NKAIN2: variants seen among roughly 807,000 people sequenced by gnomAD.
NKAIN2 encodes the protein sodium/potassium transporting ATPase interacting 2, also known as sodium/potassium-transporting ATPase subunit beta-1-interacting protein 2.
Under a neutral mutation model 32.6 loss-of-function variants are expected in NKAIN2, and 14 were observed. That is an observed-to-expected ratio of 0.43 (90% CI 0.28 to 0.67). The LOEUF (loss-of-function observed/expected upper bound fraction) is 0.67. NKAIN2 is among the 30% of genes least tolerant of loss of function. The probability of loss-of-function intolerance (pLI) is 0.17; values close to 1 mark genes in which losing one functional copy is unlikely to be tolerated. For missense variants in NKAIN2, 198 were observed against 258.3 expected (o/e 0.77, Z 1.60); for synonymous variants, 80 against 87.2 (o/e 0.92, Z 0.46).
chr6:124,044,307 C>T lies in NKAIN2; in HGVS notation c.55-238698C>T, dbSNP rs114231478. ...CAAAGTTCTAAGCCTTCTGCAAAGA[C>T]GGGAGTAAAATCCTCCATATATAAA... is the stretch of plus-strand genomic sequence containing the variant. On this transcript the variant is annotated intron_variant, in intron 1 of 6. Transcript: ENST00000368417. Among the ~76,000 whole-genome samples, 216 of 152,038 alleles carry T rather than the reference C, an allele frequency of 1.4e-3. 3 individuals are homozygous for T. The highest frequency in any genetic ancestry group is 4.8e-3 in the African/African-American group (198 of 41,498).
intron 1 of NKAIN2, among the ~76,000 whole-genome samples, chr6:124,062,094 T>G (rs955815047): frequency 2.0e-5 from 3 of 152,218 alleles, no homozygotes; most frequent in Admixed American, 1.3e-4. Flanking sequence ...TCAAGTAGGC[T>G]TGTTCATTAC....
At chr6:124,713,566 T>C (rs2114612333) in intron 4 of NKAIN2, among the ~76,000 whole-genome samples, 1 of 152,286 alleles carries the variant, frequency 6.6e-6, no homozygotes, top group South Asian at 2.1e-4. Flanking sequence ...CTCGTAGCTT[T>C]GTGGTTTCAT....
chr6:124,173,884 A>G (rs1789023997), intron 1 of NKAIN2, among the ~76,000 whole-genome samples: 1 of 152,082 alleles, frequency 6.6e-6, no homozygotes, highest in African/African-American at 2.4e-5. Flanking sequence ...AGTTTTGATA[A>G]TTGATAATTT....
chr6:123,993,131 C>T lies in NKAIN2; in HGVS notation c.54+188877C>T, dbSNP rs184261500. ...ACTCTATGGCATATAAAAACCTACT[C>T]GATAGTTGTACCATGTTATTGTTAT... On this transcript the variant is annotated intron_variant, in intron 1 of 6. Transcript: ENST00000368417. Among the ~76,000 whole-genome samples, 32 of 152,206 alleles carry T rather than the reference C, an allele frequency of 2.1e-4. No individual in the cohort carries two copies. In the East Asian group the frequency reaches 4.6e-3, roughly 22 times the overall value.
Position 123,976,042 on chromosome 6 carries a change from G to A in NKAIN2, c.54+171788G>A, listed in dbSNP as rs545000953. On this transcript the variant is annotated intron_variant, in intron 1 of 6. Transcript: ENST00000368417. ...AGATCTGATGGTTTTATAAGAGGGA[G>A]TTCCCCTGCACATGCTTTCTTGTCT... 9.9e-5 allele frequency among the ~76,000 whole-genome samples: 15 copies of A among 151,580 alleles called. No individual in the cohort carries two copies. The East Asian group carries it at 2.8e-3, about 28-fold the overall frequency.
intron 1 of NKAIN2, among the ~76,000 whole-genome samples, chr6:124,031,790 T>G (rs1781417250): frequency 6.6e-6 from 1 of 152,158 alleles, no homozygotes; most frequent in Non-Finnish European, 1.5e-5. Flanking sequence ...TTTGATAATT[T>G]CTGTTCTTTT....
chr6:123,868,217 T>G (rs565062002), intron 1 of NKAIN2, among the ~76,000 whole-genome samples: 2 of 152,288 alleles, frequency 1.3e-5, no homozygotes, highest in African/African-American at 4.8e-5. Context: ...CATGAGGCTC[T>G]AAGCTCCCTG....
intron 3 of NKAIN2, among the ~76,000 whole-genome samples, chr6:124,356,295 G>A (rs942506529): frequency 6.6e-6 from 1 of 152,088 alleles, no homozygotes; most frequent in Non-Finnish European, 1.5e-5. Flanking sequence ...AGAGAGAAGA[G>A]AATGGTAATA....
At chr6:124,518,939 C>A (rs1779024860) in intron 3 of NKAIN2, among the ~76,000 whole-genome samples, 2 of 152,150 alleles carry the variant, frequency 1.3e-5, no homozygotes, top group Admixed American at 1.3e-4. Context: ...GAGCACCATT[C>A]ACTCCACAAA....
At chr6:124,657,018 C>G (rs1784563690) in intron 3 of NKAIN2, among the ~76,000 whole-genome samples, 1 of 152,204 alleles carries the variant, frequency 6.6e-6, no homozygotes. Flanking sequence ...ACCCAACCAC[C>G]ACCATGGAGA....
At chr6:124,790,701 G>A (rs1212284987) in intron 4 of NKAIN2, among the ~76,000 whole-genome samples, 1 of 152,088 alleles carries the variant, frequency 6.6e-6, no homozygotes, top group African/African-American at 2.4e-5. Flanking sequence ...TCCTTTACAA[G>A]CACACAGACC....
chr6:124,369,015 T>C (rs968065841), intron 3 of NKAIN2, among the ~76,000 whole-genome samples: 8 of 152,210 alleles, frequency 5.3e-5, no homozygotes. Context: ...GCTAATTCTC[T>C]TTGAAGCAAT....
chr6:124,315,046 T>C (rs1024070780), intron 2 of NKAIN2, among the ~76,000 whole-genome samples: 3 of 152,270 alleles, frequency 2.0e-5, no homozygotes, highest in Admixed American at 2.0e-4. Flanking sequence ...TAATAAATGA[T>C]TGATTTTTGG....
chr6:124,087,509 T>C (rs1421261544), intron 1 of NKAIN2, among the ~76,000 whole-genome samples: 1 of 151,946 alleles, frequency 6.6e-6, no homozygotes, highest in African/African-American at 2.4e-5. Context: ...ATTGTCTGTG[T>C]AGAAAATCTA....
intron 1 of NKAIN2, among the ~76,000 whole-genome samples, chr6:123,829,530 A>G (rs182624092): frequency 6.6e-6 from 1 of 152,108 alleles, no homozygotes; most frequent in Non-Finnish European, 1.5e-5. Context: ...TTAATTCTCA[A>G]CTTTACTTTG....
intron 1 of NKAIN2, among the ~76,000 whole-genome samples, chr6:123,963,134 CACTA>C (rs1327163632): frequency 1.3e-5 from 2 of 152,182 alleles, no homozygotes; most frequent in African/African-American, 4.8e-5. Flanking sequence ...CCTTATGTAA[CACTA>C]ACCTCATCAG....
intron 1 of NKAIN2, among the ~76,000 whole-genome samples, chr6:124,052,387 C>T (rs35030435): frequency 0.024 from 3,649 of 152,112 alleles, 66 homozygotes; most frequent in Non-Finnish European, 0.036. Context: ...GTTGATCTTA[C>T]GACATGTTTT....
chr6:124,746,573 C>T (rs1005505754), intron 4 of NKAIN2, among the ~76,000 whole-genome samples: 6 of 151,718 alleles, frequency 4.0e-5, no homozygotes, highest in Admixed American at 3.3e-4. Flanking sequence ...GAAATGAGAT[C>T]TCAGTTTTAG....
chr6:124,711,030 T>C (rs1371117462), intron 4 of NKAIN2, among the ~76,000 whole-genome samples: 96 of 148,270 alleles, frequency 6.5e-4, no homozygotes, highest in African/African-American at 2.4e-3. Context: ...GGCCTGGTGG[T>C]GACAAAATCT....
Sources: allele counts gnomAD v4.1 joint callset (sites outside exome capture counted in the v4.1 genomes callset), GRCh38; gene constraint gnomAD v4.1.1; transcripts MANE v1.5; gene names NCBI Gene and HGNC (gene_info 2026-07-23, HGNC 2026-07-21).